The following FOXN3 variants were observed in gnomAD, a reference collection of about 807,000 sequenced individuals.
FOXN3 encodes forkhead box protein N3.
Under a neutral mutation model 38.4 loss-of-function variants are expected in FOXN3, and 7 were observed. The observed-to-expected ratio is 0.18, with a 90% CI of 0.10 to 0.34. FOXN3 has a LOEUF of 0.34. Ranked by LOEUF, FOXN3 falls within the 10% of genes least tolerant of loss-of-function variation. FOXN3 has a pLI of 1.00. For synonymous variants in FOXN3, 230 were observed against 242.2 expected (o/e 0.95, Z 0.47); for missense variants, 456 against 613.4 (o/e 0.74, Z 2.71).
intron 3 of FOXN3, among the ~76,000 whole-genome samples, chr14:89,299,303 A>G (rs1251136193): frequency 6.6e-6 from 1 of 152,240 alleles, no homozygotes; most frequent in East Asian, 1.9e-4. Context: ...ATGGTTTTAT[A>G]AATGGGAGTT....
At chr14:89,176,142 G>A (rs962756238) in intron 5 of FOXN3, among the ~76,000 whole-genome samples, 1 of 152,144 alleles carries the variant, frequency 6.6e-6, no homozygotes, top group Middle Eastern at 3.2e-3. Context: ...TCTAAGGATG[G>A]GCCAATCTTG....
intron 2 of FOXN3, chr14:89,356,567 C>A (rs760486705): frequency 6.6e-6 from 1 of 152,078 alleles, no homozygotes; most frequent in African/African-American, 2.4e-5. Flanking sequence ...AAACTGAAAA[C>A]GAAATGGAGT....
chr14:89,444,161 G>T (rs1340709604), intron 1 of FOXN3, among the ~76,000 whole-genome samples: 1 of 151,974 alleles, frequency 6.6e-6, no homozygotes, highest in Non-Finnish European at 1.5e-5. Context: ...CATTATGAAA[G>T]TGGTATTTTA....
chr14:89,354,672 T>C (rs921706652), intron 2 of FOXN3, among the ~76,000 whole-genome samples: 2 of 151,104 alleles, frequency 1.3e-5, no homozygotes, highest in Admixed American at 6.6e-5. Context: ...CTGACTAACA[T>C]GGTGAAACCC....
At chr14:89,506,071 G>T (rs1893921668) in intron 1 of FOXN3, among the ~76,000 whole-genome samples, 1 of 131,866 alleles carries the variant, frequency 7.6e-6, no homozygotes, top group Non-Finnish European at 1.6e-5. Context: ...GAAGGGAGGT[G>T]GGGGGGTCAG....
At chr14:89,365,470 C>G (rs548388131) in intron 2 of FOXN3, among the ~76,000 whole-genome samples, 8 of 152,182 alleles carry the variant, frequency 5.3e-5, no homozygotes, top group Admixed American at 1.3e-4. Flanking sequence ...CAGAAACACA[C>G]CCCTCATACT....
At chr14:89,256,285 C>CATCA (rs908820933) in intron 4 of FOXN3, among the ~76,000 whole-genome samples, 8 of 152,152 alleles carry the variant, frequency 5.3e-5, no homozygotes, top group East Asian at 1.9e-4. Flanking sequence ...ATCAGTCAAT[C>CATCA]ATCAATCAAT....
chr14:89,600,641 C>T (rs953673148), intron 1 of FOXN3, among the ~76,000 whole-genome samples: 16 of 152,158 alleles, frequency 1.1e-4, no homozygotes, highest in African/African-American at 3.4e-4. Context: ...ATTTGGTTTT[C>T]AGGATAGAAG....
intron 3 of FOXN3, among the ~76,000 whole-genome samples, chr14:89,329,201 A>C (rs909705564): frequency 1.3e-5 from 2 of 152,218 alleles, no homozygotes; most frequent in African/African-American, 4.8e-5. Context: ...TAACAGATTC[A>C]TTCTGACATA....
At chr14:89,496,213 C>CA (rs1893680498) in intron 1 of FOXN3, among the ~76,000 whole-genome samples, 1 of 151,672 alleles carries the variant, frequency 6.6e-6, no homozygotes, top group African/African-American at 2.4e-5. Context: ...AACTCCGTCT[C>CA]AAAAAAAGAG....
At chr14:89,395,262 A>G (rs1239832257) in intron 2 of FOXN3, among the ~76,000 whole-genome samples, 1 of 152,226 alleles carries the variant, frequency 6.6e-6, no homozygotes, top group Non-Finnish European at 1.5e-5. Flanking sequence ...GTCCGGGACA[A>G]TTCTGCTTAC....
chr14:89,387,459 G>A (rs930439162), intron 2 of FOXN3, among the ~76,000 whole-genome samples: 4 of 152,144 alleles, frequency 2.6e-5, no homozygotes, highest in Non-Finnish European at 4.4e-5. Flanking sequence ...AGATGAGAAC[G>A]TAAAGCTCAT....
chr14:89,218,911 C>T (rs1456109485), intron 4 of FOXN3, among the ~76,000 whole-genome samples: 1 of 152,234 alleles, frequency 6.6e-6, no homozygotes, highest in Non-Finnish European at 1.5e-5. Flanking sequence ...TATACACAAA[C>T]TCTATTCTCA....
chr14:89,382,421 T>C lies in FOXN3; in HGVS notation c.543+29513A>G, dbSNP rs533404621. Among the ~76,000 whole-genome samples, 208 of 152,246 alleles carry C rather than the reference T, an allele frequency of 1.4e-3. 2 individuals are homozygous for C. Among genetic ancestry groups the C allele is most frequent in the African/African-American group, 4.8e-3 (200 of 41,538 alleles). ...CTTCCAAGCCTGAAAGTCAAGCCCT[T>C]CCCAACATGGCACCTTCCTATCTTT... On this transcript the variant is annotated intron_variant, in intron 2 of 5. Coordinates refer to ENST00000557258, the MANE Select transcript of FOXN3 (RefSeq NM_005197.4).
chr14:89,609,373 T>C (rs1896346304), intron 1 of FOXN3, among the ~76,000 whole-genome samples: 1 of 152,176 alleles, frequency 6.6e-6, no homozygotes, highest in Non-Finnish European at 1.5e-5. Context: ...CGGCTAATTT[T>C]TGTATTTTTT....
chr14:89,392,290 C>T (rs547151873), intron 2 of FOXN3, among the ~76,000 whole-genome samples: 2 of 152,312 alleles, frequency 1.3e-5, no homozygotes, highest in South Asian at 2.1e-4. Context: ...TTCCTAAGTA[C>T]CTTCCATTAG....
At chr14:89,314,232 T>G (rs1887658158) in intron 3 of FOXN3, among the ~76,000 whole-genome samples, 1 of 152,226 alleles carries the variant, frequency 6.6e-6, no homozygotes, top group African/African-American at 2.4e-5. Context: ...TGTTTGACCA[T>G]TCTACATGAG....
At chr14:89,242,513 T>C (rs1885169790) in intron 4 of FOXN3, among the ~76,000 whole-genome samples, 1 of 152,134 alleles carries the variant, frequency 6.6e-6, no homozygotes, top group Admixed American at 6.5e-5. Flanking sequence ...TTTTGCCTGA[T>C]TGCATTACTC....
chr14:89,527,786 C>G (rs959443284), intron 1 of FOXN3, among the ~76,000 whole-genome samples: 3 of 151,704 alleles, frequency 2.0e-5, no homozygotes, highest in Admixed American at 6.6e-5. Context: ...TCTGCAACCT[C>G]TGCCTCCCAG....
Sources: gnomAD v4.1 joint callset for allele counts (sites outside exome capture counted in the v4.1 genomes callset) on GRCh38, gnomAD v4.1.1 for gene constraint, MANE v1.5 for transcripts, NCBI Gene and HGNC (gene_info 2026-07-23, HGNC 2026-07-21) for gene names.